FNDC3B: variants seen among roughly 807,000 people sequenced by gnomAD.
The protein encoded by FNDC3B is fibronectin type III domain-containing protein 3B.
FNDC3B carries 12 observed loss-of-function variants against 151.5 expected under a neutral mutation model. The ratio of observed to expected loss-of-function variants is 0.08; its 90% confidence interval spans 0.05 to 0.13. The LOEUF is 0.13. FNDC3B is among the 10% of genes least tolerant of loss of function. The pLI is 1.00. For missense variants in FNDC3B, 1,214 were observed against 1,505.3 expected (o/e 0.81, Z 3.20); for synonymous variants, 528 against 549.0 (o/e 0.96, Z 0.54).
intron 21 of FNDC3B, among the ~76,000 whole-genome samples, chr3:172,347,855 C>T (rs566079672): frequency 6.6e-6 from 1 of 152,330 alleles, no homozygotes; most frequent in Admixed American, 6.5e-5. Flanking sequence ...GTTATCAAGG[C>T]TGGTTATCTA....
chr3:172,224,590 C>A (rs1486542764), intron 3 of FNDC3B, among the ~76,000 whole-genome samples: 11 of 152,088 alleles, frequency 7.2e-5, no homozygotes, highest in Admixed American at 7.2e-4. Flanking sequence ...TGTCCCTGTC[C>A]CTTTCCCCCT....
At chr3:172,327,343 G>T (rs1165780747) in intron 11 of FNDC3B, among the ~76,000 whole-genome samples, 1 of 152,150 alleles carries the variant, frequency 6.6e-6, no homozygotes, top group East Asian at 1.9e-4. Context: ...CCTGGCTCTA[G>T]GAGGTGGGTG....
intron 1 of FNDC3B, among the ~76,000 whole-genome samples, chr3:172,063,353 C>T (rs988950911): frequency 1.3e-5 from 2 of 152,174 alleles, no homozygotes; most frequent in African/African-American, 2.4e-5. Context: ...ACCCATTCTC[C>T]TCCCAACAGT....
At chr3:172,282,838 T>C (rs73031318) in intron 6 of FNDC3B, among the ~76,000 whole-genome samples, 14,782 of 152,300 alleles carry the variant, frequency 0.097, 788 homozygotes, top group African/African-American at 0.14. Context: ...ATTAGACTTG[T>C]GGCCCTGGAG....
chr3:172,356,093 T>C (rs2108330872), intron 22 of FNDC3B, among the ~76,000 whole-genome samples: 1 of 152,326 alleles, frequency 6.6e-6, no homozygotes, highest in African/African-American at 2.4e-5. Context: ...AAAAATAACA[T>C]GTATTGAGCC....
intron 3 of FNDC3B, among the ~76,000 whole-genome samples, chr3:172,169,075 A>G (rs62283840): frequency 0.11 from 13,778 of 130,172 alleles, 828 homozygotes; most frequent in Non-Finnish European, 0.15. Flanking sequence ...CTACCTTGAC[A>G]TAAAAGTTTT....
At chr3:172,053,862 G>A (rs1285412241) in intron 1 of FNDC3B, among the ~76,000 whole-genome samples, 3 of 151,878 alleles carry the variant, frequency 2.0e-5, no homozygotes, top group African/African-American at 7.3e-5. Flanking sequence ...GTTCTCTGTA[G>A]TAGCAACTTA....
In FNDC3B at chr3:172,100,048, A is replaced by G. The variant is rs553715590; in HGVS notation, c.-28-12404A>G. 2.3e-3 allele frequency among the ~76,000 whole-genome samples: 351 copies of G among 152,272 alleles called. 2 individuals are homozygous for G. The highest frequency in any genetic ancestry group is 0.02 in the Middle Eastern group (6 of 294). ...TTATTGGTGACATTAACTGAAAAAT[A>G]TTTTGTGTGTGTCTTTTGTGTTCAT... On this transcript the variant is annotated intron_variant, in intron 1 of 25. Coordinates refer to ENST00000415807, the MANE Select transcript of FNDC3B (RefSeq NM_022763.4).
intron 22 of FNDC3B, among the ~76,000 whole-genome samples, chr3:172,355,524 G>A (rs370389092): frequency 1.1e-4 from 17 of 152,276 alleles, no homozygotes; most frequent in African/African-American, 2.2e-4. Flanking sequence ...CTAGGGGGGG[G>A]GCCTAGCACT....
intron 7 of FNDC3B, among the ~76,000 whole-genome samples, chr3:172,289,588 G>C (rs1730215629): frequency 6.6e-6 from 1 of 152,194 alleles, no homozygotes; most frequent in Non-Finnish European, 1.5e-5. Context: ...TTTTCTCTCT[G>C]AAGTTCTTGT....
intron 5 of FNDC3B, 78 bp from the exon 6 acceptor site, chr3:172,251,182 C>A (rs1728048416): frequency 3.6e-6 from 4 of 1,125,608 alleles, no homozygotes; most frequent in African/African-American, 3.2e-5. Context: ...TCTTCAGGAG[C>A]CAGATCATTT....
intron 23 of FNDC3B, among the ~76,000 whole-genome samples, chr3:172,374,688 C>T (rs747426208): frequency 7.2e-5 from 11 of 152,166 alleles, no homozygotes; most frequent in Admixed American, 2.0e-4. Flanking sequence ...CCACTGTGCC[C>T]GGCCAGCAGT....
intron 6 of FNDC3B, among the ~76,000 whole-genome samples, chr3:172,266,830 A>G (rs1434642842): frequency 6.6e-6 from 1 of 152,168 alleles, no homozygotes; most frequent in African/African-American, 2.4e-5. Context: ...CCATCTCAGA[A>G]TCCTTAACCT....
chr3:172,172,378 A>G (rs1723326833), intron 3 of FNDC3B, among the ~76,000 whole-genome samples: 1 of 152,254 alleles, frequency 6.6e-6, no homozygotes, highest in African/African-American at 2.4e-5. Context: ...TCTAAGATTA[A>G]AAGTAGGAAT....
At chr3:172,065,499 C>A (rs1046566330) in intron 1 of FNDC3B, among the ~76,000 whole-genome samples, 1 of 152,196 alleles carries the variant, frequency 6.6e-6, no homozygotes, top group Non-Finnish European at 1.5e-5. Flanking sequence ...CGAAGAAATG[C>A]CGCCTTGTTC....
At position 172,218,044 on chromosome 3, in the gene FNDC3B, A is replaced by C. The variant is rs1726085513; in HGVS notation, c.188-8827A>C. ...CATTGAGCAATTTGTTCTTTTGGTC[A>C]CTTGCTCCTTTTAAAGACAATGACT... On this transcript the variant is annotated intron_variant, in intron 3 of 25. Transcript: ENST00000415807. 9.3e-5 allele frequency among the ~76,000 whole-genome samples: 14 copies of C among 150,200 alleles called. 1 individual carries two copies. The highest frequency in any genetic ancestry group is 8.8e-4 in the Admixed American group (13 of 14,834).
chr3:172,227,118 G>T (rs138420733), intron 4 of FNDC3B, 171 bp downstream of exon 4: 1 of 547,068 alleles, frequency 1.8e-6, no homozygotes, highest in Admixed American at 3.0e-5. Context: ...GCCACTTGAC[G>T]TACCAGAGAA....
intron 18 of FNDC3B, 58 bp from the exon 19 acceptor site, chr3:172,344,028 A>G: frequency 2.6e-6 from 4 of 1,512,058 alleles, no homozygotes; most frequent in South Asian, 2.5e-5. Context: ...AATCTGGTGC[A>G]CTTTGGTCAA....
intron 3 of FNDC3B, among the ~76,000 whole-genome samples, chr3:172,145,882 C>T (rs1576906692): frequency 7.1e-6 from 1 of 141,540 alleles, no homozygotes; most frequent in East Asian, 2.1e-4. Context: ...GGTGTGATCT[C>T]GGCTCACTGC....
Sources: gnomAD v4.1 joint callset for allele counts (sites outside exome capture counted in the v4.1 genomes callset) on GRCh38, gnomAD v4.1.1 for gene constraint, MANE v1.5 for transcripts, NCBI Gene and HGNC (gene_info 2026-07-23, HGNC 2026-07-21) for gene names.